Variants in CA6 observed in about 807,000 individuals in gnomAD.
CA6 encodes carbonate dehydratase VI.
In CA6, 28 loss-of-function variants were observed where a neutral mutation model predicts 35.9. The ratio of observed to expected loss-of-function variants is 0.78; its 90% CI spans 0.58 to 1.07. The LOEUF (loss-of-function observed/expected upper bound fraction) is 1.07. Among genes scored for constraint, CA6 ranks in the 50% least tolerant of loss-of-function variants. The pLI, the probability that CA6 is intolerant of heterozygous loss-of-function variation, is 0.00. For missense variants in CA6, 377 were observed against 382.0 expected (o/e 0.99, Z 0.11); for synonymous variants, 148 against 152.6 (o/e 0.97, Z 0.22).
chr1:8,947,152 T>C (rs1639387807), intron 1 of CA6, among the ~76,000 whole-genome samples: 2 of 152,180 alleles, frequency 1.3e-5, no homozygotes, highest in South Asian at 4.1e-4. Flanking sequence ...GCATTCAACA[T>C]GGGTTCTGGT....
intron 2 of CA6, among the ~76,000 whole-genome samples, chr1:8,954,757 T>C (rs192975748): frequency 1.1e-3 from 170 of 152,202 alleles, no homozygotes; most frequent in African/African-American, 3.8e-3. Flanking sequence ...GTATTTTTAG[T>C]AGAGACGAGG....
chr1:8,954,105 A>T (rs991715885), intron 2 of CA6, among the ~76,000 whole-genome samples: 3 of 152,120 alleles, frequency 2.0e-5, no homozygotes, highest in Non-Finnish European at 2.9e-5. Context: ...TAACCATAAA[A>T]ACGGGCAACC....
At chr1:8,956,094 A>G (rs1303214801) in intron 2 of CA6, among the ~76,000 whole-genome samples, 3 of 151,778 alleles carry the variant, frequency 2.0e-5, no homozygotes, top group Non-Finnish European at 4.4e-5. Flanking sequence ...ATGGTGGCAT[A>G]TGCCTGTAAT....
intron 7 of CA6, among the ~76,000 whole-genome samples, chr1:8,971,311 C>CTT (rs1254140549): frequency 1.2e-4 from 17 of 137,924 alleles, no homozygotes; most frequent in East Asian, 2.1e-4. Flanking sequence ...TCAAGTTAAC[C>CTT]TTTTTTTTTT....
intron 7 of CA6, among the ~76,000 whole-genome samples, chr1:8,972,653 A>G (rs1485882620): frequency 6.6e-6 from 1 of 152,098 alleles, no homozygotes; most frequent in East Asian, 1.9e-4. Context: ...ACTGCACTCC[A>G]GCCTGGGCGA....
At chr1:8,952,246 C>T (rs1387550088) in intron 2 of CA6, 2 of 152,268 alleles carry the variant, frequency 1.3e-5, no homozygotes, top group Non-Finnish European at 2.9e-5. Flanking sequence ...AAGCAATTCT[C>T]ATGCCTCAGC....
chr1:8,967,470 C>T (rs530672333), intron 5 of CA6, among the ~76,000 whole-genome samples, 189 bp from the exon 6 acceptor site: 10 of 152,236 alleles, frequency 6.6e-5, no homozygotes, highest in South Asian at 4.1e-4. Flanking sequence ...CTGAGTGCGT[C>T]TATCCCCAAA....
intron 5 of CA6, 94 bp downstream of exon 5, chr1:8,962,750 G>A (rs1639873895): frequency 6.4e-6 from 7 of 1,099,556 alleles, no homozygotes; most frequent in East Asian, 2.4e-5. Flanking sequence ...TGATGCTGGT[G>A]GGGAGGGTGG....
intron 2 of CA6, among the ~76,000 whole-genome samples, chr1:8,954,474 A>T (rs1443837684): frequency 1.3e-5 from 2 of 150,012 alleles, no homozygotes; most frequent in Non-Finnish European, 3.0e-5. Flanking sequence ...CTATTCCTTT[A>T]TTTTCTTAAT....
intron 7 of CA6, among the ~76,000 whole-genome samples, chr1:8,972,726 C>T (rs910756477): frequency 1.3e-5 from 2 of 152,012 alleles, no homozygotes; most frequent in Non-Finnish European, 2.9e-5. Flanking sequence ...TAAATTTCCA[C>T]CTCCCCAACC....
chr1:8,958,908 A>T lies in CA6; in HGVS notation c.409-2A>T. ...TTGACCCACTCTACCTTGCTCTTACAGATTCACATTGTTCACTACAATTCT... is the reference window on the plus strand; with the variant it reads ...TTGACCCACTCTACCTTGCTCTTACTGATTCACATTGTTCACTACAATTCT... On this transcript the variant is annotated splice_acceptor_variant, in intron 3 of 7. Coordinates refer to ENST00000377443, the MANE Select transcript of CA6 (RefSeq NM_001215.4). LOFTEE classifies it high-confidence loss of function. 6.4e-7 allele frequency: 1 copy of T among 1,571,730 alleles called. No individual in the cohort carries two copies. Among genetic ancestry groups the T allele is most frequent in the Non-Finnish European group, 8.7e-7 (1 of 1,143,070 alleles).
intron 6 of CA6, among the ~76,000 whole-genome samples, chr1:8,970,200 G>A (rs1640070883): frequency 9.6e-6 from 1 of 104,242 alleles, no homozygotes; most frequent in African/African-American, 4.4e-5. Flanking sequence ...GCGAGACTCT[G>A]GTCTCAAAAA....
In CA6 at chr1:8,974,578, C is replaced by T. The variant is rs762467917; in HGVS notation, c.845-44C>T. 5 of 1,471,678 alleles carry T rather than the reference C, an allele frequency of 3.4e-6. No individual in the cohort carries two copies. In the African/African-American group the frequency reaches 7.0e-5, roughly 21 times the overall value. 91.2% of individuals were successfully genotyped at this position (1,471,678 alleles called of 1,614,324 possible). A position where few individuals can be genotyped will look rare whatever the true frequency, so the allele number is the denominator to read the frequency against. On this transcript the variant is annotated intron_variant, in intron 7 of 7. Coordinates refer to ENST00000377443, the MANE Select transcript of CA6 (RefSeq NM_001215.4). ...TCCCCCTTCTCTGTTTTTGTGAGGA[C>T]TGTACAAGGTTTAACCATTTCCGAC...
At chr1:8,955,616 G>GGCCCTTC (rs1639655215) in intron 2 of CA6, among the ~76,000 whole-genome samples, 1 of 150,118 alleles carries the variant, frequency 6.7e-6, no homozygotes, top group African/African-American at 2.5e-5. Context: ...CACTGACCTT[G>GGCCCTTC]CACGCCTCCT....
In CA6 at chr1:8,966,466, T is replaced by A. The variant is rs146201023; in HGVS notation, c.572-1193T>A. Among the ~76,000 whole-genome samples, 759 of 152,260 alleles carry A rather than the reference T, an allele frequency of 5.0e-3. 6 individuals are homozygous for A. Among genetic ancestry groups the A allele is most frequent in the African/African-American group, 0.017 (717 of 41,538 alleles). ...ATTTTCCGTGGTGGCTGCATCATGA[T>A]TCTGGAATTCTTGACTTTCACTTAA... On this transcript the variant is annotated intron_variant, in intron 5 of 7. Coordinates refer to ENST00000377443, the MANE Select transcript of CA6 (RefSeq NM_001215.4).
At chr1:8,962,768 GC>G in intron 5 of CA6, 112 bp downstream of exon 5, 2 of 897,676 alleles carry the variant, frequency 2.2e-6, no homozygotes, top group Non-Finnish European at 3.7e-6. Context: ...TGGCCCGTGG[GC>G]CCTGCCAAGG....
intron 2 of CA6, 115 bp downstream of exon 2, chr1:8,949,557 A>T: frequency 1.1e-6 from 1 of 885,204 alleles, no homozygotes; most frequent in Non-Finnish European, 1.8e-6. Context: ...ACGGCCTCAG[A>T]GCTGGAGGCC....
intron 3 of CA6, among the ~76,000 whole-genome samples, chr1:8,957,785 CAAA>C (rs869085886): frequency 0.025 from 1,993 of 79,252 alleles, 8 homozygotes; most frequent in Middle Eastern, 0.14. Context: ...CTTGTGTCTA[CAAA>C]AAAAAAAAAA....
intron 5 of CA6, among the ~76,000 whole-genome samples, chr1:8,966,257 G>T (rs183360448): frequency 6.6e-6 from 1 of 151,898 alleles, no homozygotes; most frequent in East Asian, 1.9e-4. Context: ...TTACAGGCAC[G>T]TGCCACCATG....
Sources: allele counts gnomAD v4.1 joint callset (sites outside exome capture counted in the v4.1 genomes callset), GRCh38; gene constraint gnomAD v4.1.1; transcripts MANE v1.5; gene names NCBI Gene and HGNC (gene_info 2026-07-23, HGNC 2026-07-21).